Variants in MKNK1 observed in about 807,000 individuals in gnomAD.
MKNK1 encodes the protein MAPK interacting serine/threonine kinase 1, also known as MAP kinase-interacting serine/threonine-protein kinase 1.
In MKNK1, 30 loss-of-function variants were observed where a neutral mutation model predicts 49.3. The ratio of observed to expected loss-of-function variants is 0.61; its 90% confidence interval spans 0.46 to 0.83. The LOEUF (loss-of-function observed/expected upper bound fraction) is 0.83. MKNK1 is among the 40% of genes least tolerant of loss of function. The probability of loss-of-function intolerance (pLI) is 0.00; values close to 1 mark genes in which losing one functional copy is unlikely to be tolerated. For missense variants in MKNK1, 423 were observed against 524.7 expected (o/e 0.81, Z 1.89); for synonymous variants, 176 against 201.7 (o/e 0.87, Z 1.08).
Position 46,561,619 on chromosome 1 carries a change from C to T in MKNK1, c.828G>A (p.Gln276=), listed in dbSNP as rs1202389334. 4 of 1,614,028 alleles carry T rather than the reference C, an allele frequency of 2.5e-6. No individual in the cohort carries two copies. The highest frequency in any genetic ancestry group is 3.4e-6 in the Non-Finnish European group (4 of 1,179,998). The change falls in exon 11 of 13, where the codon CAG becomes CAA. Residue 276 remains glutamine, a synonymous_variant. Coordinates refer to ENST00000371945, the MANE Select transcript of MKNK1 (RefSeq NM_001135553.4). ...TGTCAGGAAACTCATACTTGCCTTC[C>T]TGGATGCTTTCAAACAGCTTGTTCT... ...VCQNKLFESI[Q]EGKYEFPDKD...
chr1:46,581,138 A>T (rs1394878468), intron 3 of MKNK1, among the ~76,000 whole-genome samples: 1 of 152,104 alleles, frequency 6.6e-6, no homozygotes, highest in Non-Finnish European at 1.5e-5. Flanking sequence ...GTGACCCCAG[A>T]ATAAACCAGG....
intron 1 of MKNK1, among the ~76,000 whole-genome samples, chr1:46,602,941 A>C (rs575188794): frequency 1.3e-5 from 2 of 152,302 alleles, no homozygotes; most frequent in African/African-American, 4.8e-5. Flanking sequence ...TCCTGTTCAC[A>C]GAGCTTCCCT....
chr1:46,573,780 C>T (rs1670555926), intron 6 of MKNK1: 1 of 150,514 alleles, frequency 6.6e-6, no homozygotes, highest in African/African-American at 2.5e-5. Context: ...GTTGCCCAGG[C>T]TGGAGTGTAG....
At position 46,559,861 on chromosome 1, in the gene MKNK1, G is replaced by C. The variant is rs1053841498; in HGVS notation, c.1013+373C>G. On this transcript the variant is annotated intron_variant, in intron 12 of 12. Coordinates refer to ENST00000371945, the MANE Select transcript of MKNK1 (RefSeq NM_001135553.4). ...CTATTATCACTGTCCGTCTAGTACCGTACGTGCCCCTCACTTCTGCTCCTT... is the reference window on the plus strand; with the variant it reads ...CTATTATCACTGTCCGTCTAGTACCCTACGTGCCCCTCACTTCTGCTCCTT... 4 of 312,088 alleles carry C rather than the reference G, an allele frequency of 1.3e-5. No homozygotes were observed. In the South Asian group the frequency reaches 1.5e-4, roughly 11 times the overall value. 19.3% of individuals were successfully genotyped at this position (312,088 alleles called of 1,614,324 possible).
At chr1:46,586,115 T>G (rs942186378) in intron 2 of MKNK1, 2 of 370,490 alleles carry the variant, frequency 5.4e-6, no homozygotes, top group African/African-American at 4.3e-5. Context: ...CCACACACTA[T>G]TTTCATCACA....
chr1:46,571,999 AC>A, intron 7 of MKNK1, 63 bp downstream of exon 7: 1 of 1,474,446 alleles, frequency 6.8e-7, no homozygotes, highest in Non-Finnish European at 9.5e-7. Flanking sequence ...CTGGCCTACC[AC>A]CTCCCTTGGT....
At chr1:46,596,647 A>G (rs1050469399) in intron 1 of MKNK1, among the ~76,000 whole-genome samples, 5 of 152,232 alleles carry the variant, frequency 3.3e-5, no homozygotes, top group African/African-American at 1.2e-4. Flanking sequence ...CTTTACTACC[A>G]TCATCTATAA....
intron 3 of MKNK1, among the ~76,000 whole-genome samples, chr1:46,582,388 T>A (rs948289077): frequency 1.3e-5 from 2 of 152,212 alleles, no homozygotes; most frequent in African/African-American, 4.8e-5. Context: ...ATTAGCCCTT[T>A]ACACATATCA....
intron 5 of MKNK1, chr1:46,576,324 C>G: frequency 2.4e-6 from 1 of 417,974 alleles, no homozygotes; most frequent in Non-Finnish European, 4.4e-6. Flanking sequence ...ACCACTGATT[C>G]AGATAGTTCA....
At chr1:46,572,543 T>C (rs984786109) in intron 6 of MKNK1, among the ~76,000 whole-genome samples, 1 of 152,056 alleles carries the variant, frequency 6.6e-6, no homozygotes, top group Non-Finnish European at 1.5e-5. Flanking sequence ...GGCCAAGTTT[T>C]CCCAAGTTTG....
rs1673745799 is a variant in MKNK1 at position 46,594,216 on chromosome 1, T to C, written c.-106A>G. Reference sequence around the variant, plus strand: ...GTTGGTGTCTTCCAGCTACACGAAGTGTCTCAATGGCCTTTGTGCGTAGGT... The same window carrying C: ...GTTGGTGTCTTCCAGCTACACGAAGCGTCTCAATGGCCTTTGTGCGTAGGT... On this transcript the variant is annotated 5_prime_UTR_variant, in exon 2 of 13. Transcript: ENST00000371945. The C allele has an allele frequency of 1.6e-6, 2 of 1,248,520 alleles. No individual in the cohort carries two copies. Among genetic ancestry groups the C allele is most frequent in the Non-Finnish European group, 2.4e-6 (2 of 848,100 alleles). 77.3% of individuals were successfully genotyped at this position (1,248,520 alleles called of 1,614,324 possible).
In MKNK1 at chr1:46,575,211, C is replaced by T. The variant is rs564279803; in HGVS notation, c.279-191G>A. 461 of 533,600 alleles carry T rather than the reference C, an allele frequency of 8.6e-4. 3 individuals carry two copies. Among genetic ancestry groups the T allele is most frequent in the Non-Finnish European group, 1.3e-3 (383 of 303,460 alleles). 33.1% of individuals were successfully genotyped at this position (533,600 alleles called of 1,614,324 possible). ...ATGGTGTTAGCAAGATTCAGGTCACCTTATCTTTCCATAATGTTTAGTCTC... is the reference window on the plus strand; with the variant it reads ...ATGGTGTTAGCAAGATTCAGGTCACTTTATCTTTCCATAATGTTTAGTCTC... On this transcript the variant is annotated intron_variant, in intron 5 of 12. Transcript: ENST00000371945.
rs772028226 is a variant in MKNK1, at chr1:46,558,533, G to A, written c.*42C>T. On this transcript the variant is annotated 3_prime_UTR_variant, in exon 13 of 13. Coordinates refer to ENST00000371945, the MANE Select transcript of MKNK1 (RefSeq NM_001135553.4). ...GCCACACAGGTTTCCAGGGGACAAT[G>A]CCTGGCCAGGCCTAGGGCCTATAAG... The A allele has an allele frequency of 1.3e-6, 2 of 1,525,440 alleles. No individual in the cohort carries two copies. Among genetic ancestry groups the A allele is most frequent in the South Asian group, 2.6e-5 (2 of 77,140 alleles). 94.5% of individuals were successfully genotyped at this position (1,525,440 alleles called of 1,614,324 possible). A position where few individuals can be genotyped will look rare whatever the true frequency, so the allele number is the denominator to read the frequency against.
intron 2 of MKNK1, among the ~76,000 whole-genome samples, chr1:46,587,597 C>T (rs1672753993): frequency 6.6e-6 from 1 of 152,128 alleles, no homozygotes; most frequent in Non-Finnish European, 1.5e-5. Flanking sequence ...GCAGGCAGAT[C>T]ACCTGAGGTT....
chr1:46,559,322 C>T (rs1386882381), intron 12 of MKNK1, among the ~76,000 whole-genome samples: 1 of 152,198 alleles, frequency 6.6e-6, no homozygotes, highest in Admixed American at 6.5e-5. Context: ...AGGTAGGAAC[C>T]CAAATTGGGC....
At chr1:46,568,370 A>G (rs1209240841) in intron 8 of MKNK1, 73 bp downstream of exon 8, 20 of 1,460,080 alleles carry the variant, frequency 1.4e-5, no homozygotes, top group South Asian at 3.4e-5. Flanking sequence ...AACTGCTAAC[A>G]ATCCATCCTG....
At chr1:46,560,393 T>C (rs1667737997) in intron 11 of MKNK1, 116 bp from the exon 12 acceptor site, 1 of 1,092,266 alleles carries the variant, frequency 9.2e-7, no homozygotes, top group Non-Finnish European at 1.4e-6. Context: ...CACAGGGAAA[T>C]GGCTATGCTT....
Position 46,572,106 on chromosome 1 carries a change from C to T in MKNK1, c.414G>A (p.Val138=). 1 of 1,614,200 alleles carries T rather than the reference C, an allele frequency of 6.2e-7. No individual in the cohort carries two copies. The highest frequency in any genetic ancestry group is 1.1e-5 in the South Asian group (1 of 91,082). The change falls in exon 7 of 13, where the codon GTG becomes GTA. Residue 138 remains valine, a synonymous_variant. Transcript: ENST00000371945. The part of the protein sequence containing the change: ...KHFNEREASR[V]VRDVAAALDF... The stretch of plus-strand genomic sequence containing the variant: ...CAAGGGCAGCAGCAACGTCCCGCAC[C>T]ACTCGGCTGGCTTCTCGCTCATTGA...
chr1:46,585,106 T>G (rs543243978), intron 2 of MKNK1, among the ~76,000 whole-genome samples: 1 of 151,084 alleles, frequency 6.6e-6, no homozygotes, highest in African/African-American at 2.4e-5. Context: ...AAAAATTAGC[T>G]GGGTGTGGTG....
Sources: allele counts gnomAD v4.1 joint callset (sites outside exome capture counted in the v4.1 genomes callset), GRCh38; gene constraint gnomAD v4.1.1; transcripts MANE v1.5; gene names NCBI Gene and HGNC (gene_info 2026-07-23, HGNC 2026-07-21).